ASTN2: variants seen among roughly 807,000 people sequenced by gnomAD.
ASTN2 encodes astrotactin 2, also known as astrotactin-2.
A neutral mutation model predicts 139.8 loss-of-function variants in ASTN2; 54 were observed. The ratio of observed to expected loss-of-function variants is 0.39; its 90% CI spans 0.31 to 0.48. The LOEUF is 0.48. Ranked by LOEUF, ASTN2 falls within the 20% of genes least tolerant of loss-of-function variation. The probability of loss-of-function intolerance (pLI) is 0.95; values close to 1 mark genes in which losing one functional copy is unlikely to be tolerated. For synonymous variants in ASTN2, 756 were observed against 719.5 expected (o/e 1.05, Z -0.81); for missense variants, 1,565 against 1,725.1 (o/e 0.91, Z 1.64).
Position 116,896,476 on chromosome 9 carries a change from C to T in ASTN2, c.1890-32743G>A, listed in dbSNP as rs951413772. Reference sequence around the variant, plus strand: ...TCCAGAGTAGCTGGGATTACAGGTGCCTGGCTAATTTTATGTGTTTTTAGT... The same window carrying T: ...TCCAGAGTAGCTGGGATTACAGGTGTCTGGCTAATTTTATGTGTTTTTAGT... On this transcript the variant is annotated intron_variant, in intron 10 of 22. Coordinates refer to ENST00000313400, the MANE Select transcript of ASTN2 (RefSeq NM_001365068.1). Among the ~76,000 whole-genome samples, 40 of 151,964 alleles carry T rather than the reference C, an allele frequency of 2.6e-4. 1 individual carries two copies. Among genetic ancestry groups the T allele is most frequent in the Admixed American group, 9.2e-4 (14 of 15,224 alleles).
intron 16 of ASTN2, among the ~76,000 whole-genome samples, chr9:116,705,343 A>G (rs927551239): frequency 6.6e-5 from 10 of 152,236 alleles, no homozygotes; most frequent in African/African-American, 9.6e-5. Flanking sequence ...TATAAAGATG[A>G]TATGAAACTG....
intron 10 of ASTN2, among the ~76,000 whole-genome samples, chr9:116,943,738 G>C (rs147055362): frequency 6.6e-6 from 1 of 152,122 alleles, no homozygotes; most frequent in South Asian, 2.1e-4. Flanking sequence ...AGTGTCTTGT[G>C]CCTTAAATGT....
At chr9:117,191,638 C>T (rs1279094114) in intron 3 of ASTN2, among the ~76,000 whole-genome samples, 1 of 152,166 alleles carries the variant, frequency 6.6e-6, no homozygotes, top group Non-Finnish European at 1.5e-5. Context: ...TTGAGCTGTC[C>T]TGGACTTTCT....
At chr9:117,325,077 G>A (rs1247231940) in intron 1 of ASTN2, among the ~76,000 whole-genome samples, 1 of 152,148 alleles carries the variant, frequency 6.6e-6, no homozygotes, top group East Asian at 1.9e-4. Flanking sequence ...ATGTCCAGGA[G>A]AAGTGGGTTG....
intron 11 of ASTN2, among the ~76,000 whole-genome samples, chr9:116,842,547 G>T (rs1832292891): frequency 6.6e-6 from 1 of 151,836 alleles, no homozygotes; most frequent in African/African-American, 2.4e-5. Context: ...CCAGTCCCCA[G>T]TCCCCCACCC....
chr9:116,730,197 A>G (rs1436386685), intron 14 of ASTN2, among the ~76,000 whole-genome samples: 2 of 152,172 alleles, frequency 1.3e-5, no homozygotes, highest in Non-Finnish European at 2.9e-5. Context: ...TGCAAATGGC[A>G]GGCACATTTT....
At chr9:117,212,606 T>C (rs1832174040) in intron 3 of ASTN2, among the ~76,000 whole-genome samples, 1 of 151,276 alleles carries the variant, frequency 6.6e-6, no homozygotes. Flanking sequence ...AACCCTCCAA[T>C]CTAATAAAAA....
intron 16 of ASTN2, among the ~76,000 whole-genome samples, chr9:116,694,511 G>C (rs1860739791): frequency 7.7e-6 from 1 of 129,536 alleles, no homozygotes; most frequent in Non-Finnish European, 1.5e-5. Flanking sequence ...ACCCAGTCTG[G>C]AGTGCAGTGG....
At chr9:116,486,262 A>C (rs1300146297) in intron 20 of ASTN2, among the ~76,000 whole-genome samples, 3 of 152,254 alleles carry the variant, frequency 2.0e-5, no homozygotes, top group Admixed American at 6.5e-5. Flanking sequence ...GCGCAGAACC[A>C]AAACACAAGA....
At chr9:117,070,110 G>C (rs373046070) in intron 5 of ASTN2, among the ~76,000 whole-genome samples, 1 of 142,576 alleles carries the variant, frequency 7.0e-6, no homozygotes, top group Non-Finnish European at 1.5e-5. Context: ...AGTCTCGATG[G>C]TCTTTACATT....
chr9:116,811,733 A>C (rs1564280865), intron 12 of ASTN2, among the ~76,000 whole-genome samples: 1 of 152,232 alleles, frequency 6.6e-6, no homozygotes, highest in Non-Finnish European at 1.5e-5. Context: ...TGTATCTCTC[A>C]TATAGTATTC....
intron 17 of ASTN2, among the ~76,000 whole-genome samples, chr9:116,626,823 G>A (rs1856490905): frequency 6.6e-6 from 1 of 152,130 alleles, no homozygotes; most frequent in Admixed American, 6.5e-5. Context: ...ACACAGGAAG[G>A]ATTGAAGAGG....
chr9:116,731,693 G>A (rs139493740), intron 14 of ASTN2, among the ~76,000 whole-genome samples: 5,737 of 152,242 alleles, frequency 0.038, 164 homozygotes, highest in Non-Finnish European at 0.055. Context: ...CAAAGTGTGG[G>A]GATTACAGGC....
intron 5 of ASTN2, among the ~76,000 whole-genome samples, chr9:117,058,674 A>G (rs1839140572): frequency 6.6e-6 from 1 of 152,230 alleles, no homozygotes; most frequent in South Asian, 2.1e-4. Flanking sequence ...ATGTAACAGA[A>G]ATTGAGCCAG....
At chr9:116,629,805 A>C (rs926423192) in intron 17 of ASTN2, among the ~76,000 whole-genome samples, 2 of 151,744 alleles carry the variant, frequency 1.3e-5, no homozygotes, top group East Asian at 3.9e-4. Flanking sequence ...AACCAGCCAA[A>C]CCCCCCTATT....
chr9:117,223,420 C>A (rs566756862), intron 2 of ASTN2, among the ~76,000 whole-genome samples: 8 of 152,162 alleles, frequency 5.3e-5, no homozygotes, highest in African/African-American at 1.9e-4. Context: ...GTTTGAGAGT[C>A]CCTAGTCTAA....
At chr9:116,938,593 C>A (rs1347264921) in intron 10 of ASTN2, among the ~76,000 whole-genome samples, 2 of 152,154 alleles carry the variant, frequency 1.3e-5, no homozygotes, top group East Asian at 1.9e-4. Context: ...TGATTTCAGG[C>A]CTTTATCCAA....
intron 19 of ASTN2, among the ~76,000 whole-genome samples, chr9:116,609,339 T>TACAC (rs60507061): frequency 1.4e-5 from 2 of 140,360 alleles, no homozygotes; most frequent in African/African-American, 5.3e-5. Flanking sequence ...TATATATATA[T>TACAC]ACACACACAC....
intron 3 of ASTN2, among the ~76,000 whole-genome samples, chr9:117,182,464 A>C (rs1034213589): frequency 6.6e-6 from 1 of 152,194 alleles, no homozygotes; most frequent in Non-Finnish European, 1.5e-5. Context: ...AGGAGATATT[A>C]AACCCTAGAG....
Sources: allele counts gnomAD v4.1 joint callset (sites outside exome capture counted in the v4.1 genomes callset), GRCh38; gene constraint gnomAD v4.1.1; transcripts MANE v1.5; gene names NCBI Gene and HGNC (gene_info 2026-07-23, HGNC 2026-07-21).